DLG2: variants seen among roughly 807,000 people sequenced by gnomAD.
DLG2 encodes the protein disks large homolog 2.
Under a neutral mutation model 132.5 loss-of-function variants are expected in DLG2, and 45 were observed. The ratio of observed to expected loss-of-function variants is 0.34; its 90% CI spans 0.27 to 0.44. DLG2 has a LOEUF of 0.44. Among genes scored for constraint, DLG2 ranks in the 20% least tolerant of loss-of-function variants. The pLI is 1.00. For synonymous variants in DLG2, 424 were observed against 419.6 expected (o/e 1.01, Z -0.13); for missense variants, 1,045 against 1,196.9 (o/e 0.87, Z 1.87).
At chr11:84,630,627 TTTG>T (rs751853209) in intron 6 of DLG2, among the ~76,000 whole-genome samples, 7 of 152,196 alleles carry the variant, frequency 4.6e-5, no homozygotes, top group Non-Finnish European at 7.4e-5. Context: ...GACACATATA[TTTG>T]TTGTCTTAAG....
intron 9 of DLG2, among the ~76,000 whole-genome samples, chr11:84,103,214 T>G (rs1384768272): frequency 6.6e-6 from 1 of 152,138 alleles, no homozygotes; most frequent in Non-Finnish European, 1.5e-5. Context: ...TTTAAGTCTT[T>G]GCTACCAGCC....
intron 18 of DLG2, among the ~76,000 whole-genome samples, chr11:83,729,225 A>T (rs1434752806): frequency 6.6e-6 from 1 of 152,210 alleles, no homozygotes; most frequent in East Asian, 1.9e-4. Context: ...ATTGTAAGTT[A>T]TTCTGCAAAT....
chr11:85,615,038 C>G (rs1029309491), intron 2 of DLG2, among the ~76,000 whole-genome samples: 14 of 152,176 alleles, frequency 9.2e-5, no homozygotes, highest in Non-Finnish European at 1.5e-5. Flanking sequence ...TTTGAATATA[C>G]TTCAACTAAC....
intron 18 of DLG2, among the ~76,000 whole-genome samples, chr11:83,744,131 T>C (rs970764522): frequency 6.6e-6 from 1 of 152,178 alleles, no homozygotes; most frequent in African/African-American, 2.4e-5. Context: ...GAATTGAATG[T>C]TGAGAGGCAG....
chr11:84,893,629 T>A (rs1183220244), intron 6 of DLG2, among the ~76,000 whole-genome samples: 3 of 152,156 alleles, frequency 2.0e-5, no homozygotes, highest in African/African-American at 7.2e-5. Flanking sequence ...GAAAAAATAT[T>A]TGTTAAAGTA....
At chr11:83,971,672 A>G (rs1400680887) in intron 12 of DLG2, among the ~76,000 whole-genome samples, 1 of 152,160 alleles carries the variant, frequency 6.6e-6, no homozygotes, top group Non-Finnish European at 1.5e-5. Flanking sequence ...GAACTCTAGA[A>G]TCATTGGTAA....
intron 11 of DLG2, among the ~76,000 whole-genome samples, chr11:84,014,783 C>T (rs534994429): frequency 1.3e-5 from 2 of 151,532 alleles, no homozygotes; most frequent in Non-Finnish European, 2.9e-5. Context: ...AATATAAAAT[C>T]AATGATGTTT....
At chr11:83,470,694 A>G (rs1183343261) in intron 24 of DLG2, among the ~76,000 whole-genome samples, 1 of 152,152 alleles carries the variant, frequency 6.6e-6, no homozygotes, top group Admixed American at 6.6e-5. Flanking sequence ...GAATTGTTTC[A>G]TGAGATACAG....
At chr11:85,406,546 T>C (rs1056558449) in intron 3 of DLG2, among the ~76,000 whole-genome samples, 2 of 151,894 alleles carry the variant, frequency 1.3e-5, no homozygotes, top group African/African-American at 2.4e-5. Context: ...ATTACAACTT[T>C]AGTGGCTAAA....
At chr11:84,868,552 T>C (rs539690748) in intron 6 of DLG2, among the ~76,000 whole-genome samples, 21 of 152,152 alleles carry the variant, frequency 1.4e-4, no homozygotes, top group Non-Finnish European at 1.9e-4. Flanking sequence ...ATGACAACTT[T>C]TCCCACCTCT....
intron 5 of DLG2, among the ~76,000 whole-genome samples, chr11:85,123,604 G>C (rs1184421426): frequency 6.6e-6 from 1 of 152,140 alleles, no homozygotes; most frequent in African/African-American, 2.4e-5. Flanking sequence ...GTTTATGCTT[G>C]GAAGACTCCA....
chr11:83,630,019 G>C (rs565083886), intron 19 of DLG2, among the ~76,000 whole-genome samples: 1 of 152,126 alleles, frequency 6.6e-6, no homozygotes, highest in African/African-American at 2.4e-5. Flanking sequence ...CACAGAACAA[G>C]AACAGTTAAC....
At chr11:84,600,063 C>G (rs2099571999) in intron 6 of DLG2, among the ~76,000 whole-genome samples, 1 of 142,304 alleles carries the variant, frequency 7.0e-6, no homozygotes, top group East Asian at 2.1e-4. Context: ...TGCATTCCAG[C>G]CTGGGCCACA....
chr11:84,255,576 G>A (rs893705063), intron 7 of DLG2, among the ~76,000 whole-genome samples: 10 of 152,024 alleles, frequency 6.6e-5, no homozygotes, highest in Admixed American at 1.3e-4. Flanking sequence ...CACACGCCTC[G>A]GCCCCCAAAG....
intron 7 of DLG2, among the ~76,000 whole-genome samples, chr11:84,484,454 A>T (rs1181343155): frequency 6.6e-6 from 1 of 152,170 alleles, no homozygotes; most frequent in East Asian, 1.9e-4. Context: ...AACTGGATTA[A>T]GCTAGCCTAC....
At chr11:83,692,804 AT>A (rs1213028917) in intron 18 of DLG2, 2 of 152,192 alleles carry the variant, frequency 1.3e-5, no homozygotes, top group Non-Finnish European at 2.9e-5. Context: ...TACCCTAAAA[AT>A]TAGGTGTGGC....
At chr11:85,190,057 C>T (rs1204477442) in intron 4 of DLG2, among the ~76,000 whole-genome samples, 1 of 152,156 alleles carries the variant, frequency 6.6e-6, no homozygotes, top group Non-Finnish European at 1.5e-5. Context: ...ACTTCTAATG[C>T]TTTAGACCCT....
At chr11:84,396,267 C>T (rs1055746122) in intron 7 of DLG2, among the ~76,000 whole-genome samples, 5 of 152,110 alleles carry the variant, frequency 3.3e-5, no homozygotes, top group Non-Finnish European at 5.9e-5. Context: ...ATTCAAAGTA[C>T]TGTACTAGGT....
At chr11:85,512,465 T>C (rs1246642620) in intron 3 of DLG2, among the ~76,000 whole-genome samples, 1 of 152,126 alleles carries the variant, frequency 6.6e-6, no homozygotes, top group Non-Finnish European at 1.5e-5. Context: ...GGATACTGTG[T>C]CTATAAATAT....
Sources: gnomAD v4.1 joint callset for allele counts (sites outside exome capture counted in the v4.1 genomes callset) on GRCh38, gnomAD v4.1.1 for gene constraint, MANE v1.5 for transcripts, NCBI Gene and HGNC (gene_info 2026-07-23, HGNC 2026-07-21) for gene names.